The following SRBD1 variants were observed in gnomAD, a reference collection of about 807,000 sequenced individuals.
SRBD1 encodes S1 RNA-binding domain-containing protein 1.
In SRBD1, 88 loss-of-function variants were observed where a neutral mutation model predicts 115.3. The ratio of observed to expected loss-of-function variants is 0.76; its 90% CI spans 0.64 to 0.91. The LOEUF is 0.91. SRBD1 is among the 40% of genes least tolerant of loss of function. The pLI, the probability that SRBD1 is intolerant of heterozygous loss-of-function variation, is 0.00. For synonymous variants in SRBD1, 509 were observed against 407.7 expected (o/e 1.25, Z -2.99); for missense variants, 1,385 against 1,177.4 (o/e 1.18, Z -2.58).
intron 19 of SRBD1, among the ~76,000 whole-genome samples, chr2:45,410,458 T>C (rs763566406): frequency 6.6e-6 from 1 of 152,204 alleles, no homozygotes; most frequent in African/African-American, 2.4e-5. Flanking sequence ...TTACTCACAA[T>C]GGCCAAAAAC....
At chr2:45,430,275 A>C (rs986385932) in intron 16 of SRBD1, among the ~76,000 whole-genome samples, 22 of 152,018 alleles carry the variant, frequency 1.4e-4, no homozygotes, top group African/African-American at 4.8e-4. Flanking sequence ...CTTTCTTCAC[A>C]AAATTAGAAA....
At chr2:45,564,972 G>T (rs1672782329) in intron 9 of SRBD1, among the ~76,000 whole-genome samples, 1 of 152,066 alleles carries the variant, frequency 6.6e-6, no homozygotes, top group African/African-American at 2.4e-5. Context: ...ATTGTTGAAA[G>T]AAATTAAAGA....
At chr2:45,522,472 G>C (rs1671316601) in intron 14 of SRBD1, among the ~76,000 whole-genome samples, 1 of 152,142 alleles carries the variant, frequency 6.6e-6, no homozygotes, top group South Asian at 2.1e-4. Flanking sequence ...GCCATGCATG[G>C]TGCCTGGCCC....
chr2:45,391,329 T>C (rs995907134), intron 20 of SRBD1, among the ~76,000 whole-genome samples: 2 of 152,218 alleles, frequency 1.3e-5, no homozygotes, highest in African/African-American at 2.4e-5. Context: ...CTAGTCACCA[T>C]AGTGTTAATA....
intron 16 of SRBD1, among the ~76,000 whole-genome samples, chr2:45,428,573 A>AATAAATAAATAC (rs1558387139): frequency 3.2e-5 from 4 of 123,216 alleles, no homozygotes; most frequent in East Asian, 4.0e-4. Flanking sequence ...TAAATAAATA[A>AATAAATAAATAC]ATAAATAAAT....
At chr2:45,593,122 C>G (rs1673776566) in intron 4 of SRBD1, among the ~76,000 whole-genome samples, 1 of 152,130 alleles carries the variant, frequency 6.6e-6, no homozygotes, top group South Asian at 2.1e-4. Flanking sequence ...TTTTGTACTT[C>G]TAAGACAGAG....
intron 14 of SRBD1, among the ~76,000 whole-genome samples, chr2:45,517,690 C>T (rs1009535): frequency 0.15 from 22,871 of 151,992 alleles, 2,494 homozygotes; most frequent in African/African-American, 0.31. Context: ...CTTATGATAA[C>T]AATTTATGTC....
intron 19 of SRBD1, among the ~76,000 whole-genome samples, chr2:45,402,386 T>C (rs1667314855): frequency 6.6e-6 from 1 of 152,192 alleles, no homozygotes; most frequent in South Asian, 2.1e-4. Context: ...GGCTGTCTAC[T>C]CTCTGATACT....
At chr2:45,587,219 TAAATATTAA>T (rs1572811935) in intron 4 of SRBD1, among the ~76,000 whole-genome samples, 1 of 146,346 alleles carries the variant, frequency 6.8e-6, no homozygotes, top group African/African-American at 2.5e-5. Context: ...TAAAATATTA[TAAATATTAA>T]GATATTTGAA....
At chr2:45,584,135 G>A (rs977409680) in intron 5 of SRBD1, among the ~76,000 whole-genome samples, 8 of 152,152 alleles carry the variant, frequency 5.3e-5, no homozygotes, top group Non-Finnish European at 7.3e-5. Flanking sequence ...GGCCTTCTAG[G>A]TGTGGTCAAG....
intron 14 of SRBD1, among the ~76,000 whole-genome samples, chr2:45,529,050 C>T (rs1671535347): frequency 6.6e-6 from 1 of 151,628 alleles, no homozygotes; most frequent in Admixed American, 6.6e-5. Context: ...AAGAATCATC[C>T]AATATAACCA....
chr2:45,605,566 C>G (rs980818280), intron 1 of SRBD1, 125 bp from the exon 2 acceptor site: 12 of 896,670 alleles, frequency 1.3e-5, no homozygotes, highest in Middle Eastern at 2.3e-4. Context: ...GATGTTTATT[C>G]ACAAGCCCAA....
rs773765624 is a variant in SRBD1, at chr2:45,419,783, C to T, written c.2156+5G>A. The T allele has an allele frequency of 1.1e-5, 18 of 1,612,770 alleles. No individual in the cohort carries two copies. In the African/African-American group the frequency reaches 2.1e-4, roughly 19 times the overall value. ...CTGTGATCTTCAGCCACATATTTGTCTCACCTTAACAAAACTTCTGAACAG... is the reference window on the plus strand; with the variant it reads ...CTGTGATCTTCAGCCACATATTTGTTTCACCTTAACAAAACTTCTGAACAG... On this transcript the variant is annotated splice_donor_5th_base_variant and intron_variant, in intron 17 of 20. Coordinates refer to ENST00000263736, the MANE Select transcript of SRBD1 (RefSeq NM_018079.5).
At chr2:45,586,616 A>C (rs1167139754) in intron 4 of SRBD1, among the ~76,000 whole-genome samples, 3 of 151,870 alleles carry the variant, frequency 2.0e-5, no homozygotes, top group Non-Finnish European at 4.4e-5. Flanking sequence ...CACAACTGTG[A>C]TTCAATGCAA....
intron 16 of SRBD1, among the ~76,000 whole-genome samples, chr2:45,453,055 C>A (rs979853035): frequency 6.6e-6 from 1 of 151,792 alleles, no homozygotes; most frequent in East Asian, 1.9e-4. Context: ...AGGATTAAAA[C>A]CTCACCGAAT....
At position 45,497,998 on chromosome 2, in the gene SRBD1, C is replaced by T. The variant is rs576511593; in HGVS notation, c.1875-9667G>A. On this transcript the variant is annotated intron_variant, in intron 14 of 20. Coordinates refer to ENST00000263736, the MANE Select transcript of SRBD1 (RefSeq NM_018079.5). ...CAGCCTGGGCGACAGAGTGAGATTCCGTCTCAAAAAAGAAAACTACCTAGG... is the reference window on the plus strand; with the variant it reads ...CAGCCTGGGCGACAGAGTGAGATTCTGTCTCAAAAAAGAAAACTACCTAGG... Among the ~76,000 whole-genome samples, 4 of 152,116 alleles carry T rather than the reference C, an allele frequency of 2.6e-5. No individual in the cohort carries two copies. In the South Asian group the frequency reaches 6.2e-4, roughly 24 times the overall value.
At chr2:45,603,324 C>A (rs1674159845) in intron 2 of SRBD1, among the ~76,000 whole-genome samples, 1 of 152,162 alleles carries the variant, frequency 6.6e-6, no homozygotes, top group East Asian at 1.9e-4. Flanking sequence ...GAGCATCTGG[C>A]ACTCACCCCT....
intron 18 of SRBD1, among the ~76,000 whole-genome samples, chr2:45,417,881 G>T (rs760188995): frequency 8.5e-5 from 13 of 152,088 alleles, no homozygotes; most frequent in Non-Finnish European, 1.6e-4. Context: ...TAATTGTGTG[G>T]GCCTTTGCCT....
intron 16 of SRBD1, among the ~76,000 whole-genome samples, chr2:45,470,582 G>A (rs958475718): frequency 6.6e-6 from 1 of 152,126 alleles, no homozygotes; most frequent in Non-Finnish European, 1.5e-5. Context: ...CGAAAACACA[G>A]TCCAAAGAAG....
Sources: allele counts gnomAD v4.1 joint callset (sites outside exome capture counted in the v4.1 genomes callset), GRCh38; gene constraint gnomAD v4.1.1; transcripts MANE v1.5; gene names NCBI Gene and HGNC (gene_info 2026-07-23, HGNC 2026-07-21).